Variants in NOTCH2NLR observed in about 807,000 individuals in gnomAD.
NOTCH2NLR encodes notch 2 N-terminal like R (pseudogene).
NOTCH2NLR carries 33 observed loss-of-function variants against 35.6 expected under a neutral mutation model. That is an observed-to-expected ratio of 0.93 (90% CI 0.70 to 1.24). The LOEUF (loss-of-function observed/expected upper bound fraction) is 1.24. Among genes scored for constraint, NOTCH2NLR ranks in the 50% most tolerant of loss-of-function variants. NOTCH2NLR has a pLI of 0.00. For missense variants in NOTCH2NLR, 276 were observed against 362.2 expected, an observed-to-expected ratio of 0.76 and a Z score of 1.93; for synonymous variants, 103 against 141.0, an observed-to-expected ratio of 0.73 and a Z score of 1.91.
intron 1 of NOTCH2NLR, among the ~76,000 whole-genome samples, chr1:120,755,943 T>G (rs1217411570): frequency 0.72 from 70,052 of 97,152 alleles, 29,622 homozygotes; most frequent in African/African-American, 0.85. Context: ...CTTTTTTTTT[T>G]TTTTTTTTTT....
rs1490073550 is a variant in NOTCH2NLR at position 120,743,903 on chromosome 1, G to A, written c.73+19653G>A. On this transcript the variant is annotated intron_variant, in intron 1 of 4. Coordinates refer to ENST00000624419, the Ensembl canonical transcript of NOTCH2NLR. The stretch of plus-strand genomic sequence containing the variant: ...TGTTTCAGAGAGTTTGCAGCAATTA[G>A]GCTTTATTGGTGCACTAAGGAGAAG... Among the ~76,000 whole-genome samples the A allele has an allele frequency of 1.8e-5, 2 of 109,864 alleles. 1 individual carries two copies. Among genetic ancestry groups the A allele is most frequent in the Non-Finnish European group, 3.6e-5 (2 of 55,372 alleles). 72.1% of individuals were successfully genotyped at this position (109,864 alleles called of 152,430 possible).
At chr1:120,737,815 C>T (rs1225891350) in intron 1 of NOTCH2NLR, among the ~76,000 whole-genome samples, 3 of 117,986 alleles carry the variant, frequency 2.5e-5, no homozygotes, top group African/African-American at 8.4e-5. Context: ...TTTCCCTTGA[C>T]AGTTTGCTTC....
At chr1:120,794,500 A>G (rs1651535742), downstream of NOTCH2NLR, among the ~76,000 whole-genome samples, 1 of 111,470 alleles carries the variant, frequency 9.0e-6, no homozygotes, top group Non-Finnish European at 1.7e-5. Context: ...CTCAAAAAGA[A>G]GTTGTTCTAG....
In NOTCH2NLR at chr1:120,785,194, C is replaced by T. The variant is rs1354824084; in HGVS notation, c.376C>T (p.Arg126Trp). The stretch of plus-strand genomic sequence containing the variant: ...TGGCGGCACATGCCATATGCTCAGC[C>T]GGGATACCTATGAGTGCACCTGTCA... The change falls in exon 3 of 5, where the codon CGG (arginine) becomes TGG (tryptophan). Residue 126 changes from arginine (R) to tryptophan (W), a missense_variant. Arg to Trp is a moderately radical substitution (Grantham distance 101, BLOSUM62 -3). Coordinates refer to ENST00000624419, the Ensembl canonical transcript of NOTCH2NLR. 1.5e-5 allele frequency: 21 copies of T among 1,445,206 alleles called. 4 individuals carry two copies. The highest frequency in any genetic ancestry group is 7.8e-5 in the African/African-American group (3 of 38,302). 89.5% of individuals were successfully genotyped at this position (1,445,206 alleles called of 1,614,324 possible).
At chr1:120,733,172 A>G (rs1305012886) in intron 1 of NOTCH2NLR, among the ~76,000 whole-genome samples, 3 of 106,920 alleles carry the variant, frequency 2.8e-5, no homozygotes, top group Non-Finnish European at 5.2e-5. Context: ...ATATATATGC[A>G]CACACACATA....
At chr1:120,726,173 T>G (rs1650812840) in intron 1 of NOTCH2NLR, among the ~76,000 whole-genome samples, 1 of 97,668 alleles carries the variant, frequency 1.0e-5, no homozygotes, top group Non-Finnish European at 1.9e-5. Context: ...CATAAAACTA[T>G]GCCCTCCACC....
At chr1:120,770,079 C>T (rs1651245143) in intron 2 of NOTCH2NLR, among the ~76,000 whole-genome samples, 1 of 112,638 alleles carries the variant, frequency 8.9e-6, no homozygotes, top group South Asian at 2.8e-4. Context: ...TTTCTTTTGC[C>T]TTATGATCTA....
chr1:120,770,262 C>T (rs1239159108), intron 2 of NOTCH2NLR, among the ~76,000 whole-genome samples: 1,553 of 105,218 alleles, frequency 0.015, 283 homozygotes, highest in Non-Finnish European at 0.017. Flanking sequence ...CTCCGCCTCC[C>T]GGGTTCATGC....
rs1423816797 is a variant in NOTCH2NLR, at chr1:120,790,256, C to A, written c.416-2905C>A. ...GTCTGGATCGCCTGACCTCATGATC[C>A]ACCCGCCTCGGCCTCCCAAAGTGCT... On this transcript the variant is annotated intron_variant, in intron 3 of 4. Coordinates refer to ENST00000624419, the Ensembl canonical transcript of NOTCH2NLR. Among the ~76,000 whole-genome samples the A allele has an allele frequency of 1.5e-4, 16 of 107,822 alleles. 5 individuals carry two copies. Among genetic ancestry groups the A allele is most frequent in the Non-Finnish European group, 2.4e-4 (14 of 57,712 alleles). 70.7% of individuals were successfully genotyped at this position (107,822 alleles called of 152,430 possible).
chr1:120,752,557 T>A (rs1651033898), intron 1 of NOTCH2NLR, among the ~76,000 whole-genome samples: 15 of 21,066 alleles, frequency 7.1e-4, no homozygotes, highest in African/African-American at 5.6e-3. Context: ...TATATATATT[T>A]TTTTTTTTTT....
At chr1:120,765,996 G>A (rs1232671200) in intron 2 of NOTCH2NLR, among the ~76,000 whole-genome samples, 1 of 30,580 alleles carries the variant, frequency 3.3e-5, no homozygotes, top group Admixed American at 2.8e-4. Flanking sequence ...GGGGGGAAAG[G>A]GAGGGGAGAG....
At chr1:120,754,448 G>T (rs1317299478) in intron 1 of NOTCH2NLR, among the ~76,000 whole-genome samples, 1 of 89,194 alleles carries the variant, frequency 1.1e-5, no homozygotes, top group Admixed American at 1.1e-4. Flanking sequence ...CTTCCTCTCT[G>T]TTGGATTTTA....
intron 2 of NOTCH2NLR, among the ~76,000 whole-genome samples, chr1:120,778,183 C>T (rs1186182339): frequency 1.3e-5 from 1 of 76,348 alleles, no homozygotes; most frequent in Non-Finnish European, 2.3e-5. Context: ...ACCTTTGTTA[C>T]TGACCGATGC....
intron 2 of NOTCH2NLR, among the ~76,000 whole-genome samples, chr1:120,776,285 T>C (rs1651306079): frequency 9.1e-6 from 1 of 110,330 alleles, no homozygotes; most frequent in Admixed American, 8.7e-5. Context: ...GGAAATAACA[T>C]TTAAGTTGAG....
At position 120,785,001 on chromosome 1, in the gene NOTCH2NLR, T is replaced by A; in HGVS notation, c.183T>A (p.Tyr61Ter). The change falls in exon 3 of 5, where the codon TAT becomes TAA. Residue 61 changes from tyrosine to a stop codon, truncating the protein, a stop_gained. Coordinates refer to ENST00000624419, the Ensembl canonical transcript of NOTCH2NLR. LOFTEE classifies it high-confidence loss of function. Reference sequence around the variant, plus strand: ...GTCCAGAAGGCTTCTTGGGGGAATATTGTCAACATCGAGACCCCTGTGAGA... The same window carrying A: ...GTCCAGAAGGCTTCTTGGGGGAATAATGTCAACATCGAGACCCCTGTGAGA... The A allele has an allele frequency of 7.0e-7, 1 of 1,423,014 alleles. No homozygotes were observed. Among genetic ancestry groups the A allele is most frequent in the East Asian group, 2.3e-5 (1 of 42,704 alleles). The allele number at this position is 1,423,014 out of a possible 1,614,324, so 88.1% of individuals were successfully genotyped here.
chr1:120,760,216 C>A (rs1362118970), intron 1 of NOTCH2NLR, among the ~76,000 whole-genome samples: 1 of 64,690 alleles, frequency 1.5e-5, no homozygotes, highest in Non-Finnish European at 2.5e-5. Context: ...GAGATGGAGT[C>A]TCTCTCTGTC....
rs1650795294 is a variant in NOTCH2NLR, at chr1:120,724,552, G to T, written c.73+302G>T. On this transcript the variant is annotated intron_variant, in intron 1 of 4. Transcript: ENST00000624419. ...AACTCCTTTTTCGTAGTGCCAGGGT[G>T]CAGGGAGGTGGGCAGTTTTGCCCTT... 2.6e-5 allele frequency among the ~76,000 whole-genome samples: 3 copies of T among 116,256 alleles called. 1 individual carries two copies. The highest frequency in any genetic ancestry group is 4.7e-5 in the African/African-American group (1 of 21,054). 76.3% of individuals were successfully genotyped at this position (116,256 alleles called of 152,430 possible).
chr1:120,760,989 G>C (rs1485868387), intron 1 of NOTCH2NLR, among the ~76,000 whole-genome samples: 1 of 125,394 alleles, frequency 8.0e-6, no homozygotes, highest in East Asian at 2.2e-4. Flanking sequence ...ACTAAAGTTT[G>C]AGAACCATGG....
rs1290617217 is a variant in NOTCH2NLR, at chr1:120,770,323, C to G, written c.155+6614C>G. The stretch of plus-strand genomic sequence containing the variant: ...TAGCCGGGACTATAAGCGCCCGCCA[C>G]CACGCCCGGCTAATTTTTTGTATTT... On this transcript the variant is annotated intron_variant, in intron 2 of 4. Transcript: ENST00000624419. Among the ~76,000 whole-genome samples, 29 of 108,162 alleles carry G rather than the reference C, an allele frequency of 2.7e-4. 5 individuals are homozygous for G. The highest frequency in any genetic ancestry group is 4.5e-4 in the Admixed American group (5 of 11,160). The allele number at this position is 108,162 out of a possible 152,430, so 71.0% of individuals were successfully genotyped here.
Sources: gnomAD v4.1 joint callset for allele counts (sites outside exome capture counted in the v4.1 genomes callset) on GRCh38, gnomAD v4.1.1 for gene constraint, MANE v1.5 for transcripts, NCBI Gene and HGNC (gene_info 2026-07-23, HGNC 2026-07-21) for gene names.